The following ENTREP2 variants were observed in gnomAD, a reference collection of about 807,000 sequenced individuals.
ENTREP2 encodes the protein endosomal transmembrane epsin interactor 2, also known as protein ENTREP2.
chr15:29,479,763 A>G, the ENTREP2 span, among the ~76,000 whole-genome samples: 1 of 152,068 alleles, frequency 6.6e-6, no homozygotes, highest in African/African-American at 2.4e-5. Flanking sequence ...GGTCAAGTCA[A>G]TGAGAGATCT....
At chr15:29,283,169 CA>C in the ENTREP2 span, among the ~76,000 whole-genome samples, 1 of 152,160 alleles carries the variant, frequency 6.6e-6, no homozygotes, top group Non-Finnish European at 1.5e-5. Context: ...GGCTCTGGAG[CA>C]GATGAGAGGG....
chr15:29,484,347 G>A, the ENTREP2 span, among the ~76,000 whole-genome samples: 7 of 152,134 alleles, frequency 4.6e-5, no homozygotes, highest in African/African-American at 1.4e-4. Context: ...CTGCCCTAGC[G>A]GAAGGAATAA....
the ENTREP2 span, among the ~76,000 whole-genome samples, chr15:29,636,301 G>C: frequency 6.6e-6 from 1 of 152,214 alleles, no homozygotes; most frequent in African/African-American, 2.4e-5. Flanking sequence ...TGGAACGTTA[G>C]CAGTTGAGGT....
At chr15:29,319,450 T>C in the ENTREP2 span, among the ~76,000 whole-genome samples, 1 of 152,148 alleles carries the variant, frequency 6.6e-6, no homozygotes, top group East Asian at 1.9e-4. Flanking sequence ...CTGCCATCAG[T>C]CCAATGGCAG....
the ENTREP2 span, among the ~76,000 whole-genome samples, chr15:29,649,337 T>C: frequency 6.6e-6 from 1 of 151,964 alleles, no homozygotes; most frequent in South Asian, 2.1e-4. Flanking sequence ...TTCTTAGGAG[T>C]TATTTATGAT....
At chr15:29,480,197 C>T in the ENTREP2 span, among the ~76,000 whole-genome samples, 1 of 151,982 alleles carries the variant, frequency 6.6e-6, no homozygotes, top group Non-Finnish European at 1.5e-5. Flanking sequence ...TACTAGTATG[C>T]TTTTAATAAC....
At chr15:29,349,289 AAAAAC>A in the ENTREP2 span, among the ~76,000 whole-genome samples, 1 of 152,238 alleles carries the variant, frequency 6.6e-6, no homozygotes, top group South Asian at 2.1e-4. Flanking sequence ...ACACAACTGC[AAAAAC>A]AAAACAAAAG....
At chr15:29,438,065 G>T in the ENTREP2 span, among the ~76,000 whole-genome samples, 1 of 152,194 alleles carries the variant, frequency 6.6e-6, no homozygotes, top group African/African-American at 2.4e-5. Context: ...CTCCAGCCTT[G>T]AACACAAGAG....
At chr15:29,539,570 G>T in the ENTREP2 span, among the ~76,000 whole-genome samples, 1 of 151,956 alleles carries the variant, frequency 6.6e-6, no homozygotes, top group African/African-American at 2.4e-5. Flanking sequence ...CTTAAACTGG[G>T]CAAATTACCA....
At chr15:29,399,781 T>A in the ENTREP2 span, among the ~76,000 whole-genome samples, 1 of 152,210 alleles carries the variant, frequency 6.6e-6, no homozygotes, top group African/African-American at 2.4e-5. Context: ...GCTGTATTCT[T>A]ACAATAAAGA....
chr15:29,391,286 G>A, the ENTREP2 span, among the ~76,000 whole-genome samples: 1 of 151,716 alleles, frequency 6.6e-6, no homozygotes, highest in East Asian at 1.9e-4. Context: ...TTCATCCCAG[G>A]CTGTGGTCCA....
At chr15:29,594,485 G>A in the ENTREP2 span, among the ~76,000 whole-genome samples, 1 of 152,116 alleles carries the variant, frequency 6.6e-6, no homozygotes, top group Non-Finnish European at 1.5e-5. Flanking sequence ...CTCCAGAGGT[G>A]CAATAGATCT....
At chr15:29,521,364 G>T in the ENTREP2 span, among the ~76,000 whole-genome samples, 1 of 152,200 alleles carries the variant, frequency 6.6e-6, no homozygotes, top group Non-Finnish European at 1.5e-5. Flanking sequence ...GGAACAAAGA[G>T]AATTAACATA....
chr15:29,613,961 C>A, the ENTREP2 span: 1 of 155,356 alleles, frequency 6.4e-6, no homozygotes, highest in South Asian at 1.8e-4. Flanking sequence ...AATATCCATC[C>A]ATTCATGAAG....
At chr15:29,213,320 C>A in the ENTREP2 span, among the ~76,000 whole-genome samples, 1 of 152,066 alleles carries the variant, frequency 6.6e-6, no homozygotes, top group Non-Finnish European at 1.5e-5. Flanking sequence ...TTTTCCAATT[C>A]TGTGAAGAAA....
chr15:29,187,278 CT>C, the ENTREP2 span, among the ~76,000 whole-genome samples: 1 of 151,230 alleles, frequency 6.6e-6, no homozygotes, highest in African/African-American at 2.4e-5. Context: ...TTCTTTTCTT[CT>C]TTTTTTTTCT....
the ENTREP2 span, among the ~76,000 whole-genome samples, chr15:29,417,521 A>AT: frequency 4.6e-5 from 7 of 152,158 alleles, no homozygotes; most frequent in African/African-American, 1.7e-4. Context: ...GAGAGATAGC[A>AT]TTAGGAGATA....
At chr15:29,623,715 T>C in the ENTREP2 span, among the ~76,000 whole-genome samples, 3 of 152,008 alleles carry the variant, frequency 2.0e-5, no homozygotes, top group East Asian at 3.9e-4. Context: ...AATCAGATAA[T>C]AGGAGAAAAA....
the ENTREP2 span, among the ~76,000 whole-genome samples, chr15:29,272,892 A>AC: frequency 3.3e-4 from 50 of 152,336 alleles, no homozygotes; most frequent in Admixed American, 3.2e-3. Flanking sequence ...TAGACTGGCC[A>AC]GAACTACTCC....
Sources: gnomAD v4.1 joint callset for allele counts (sites outside exome capture counted in the v4.1 genomes callset) on GRCh38, gnomAD v4.1.1 for gene constraint, MANE v1.5 for transcripts, NCBI Gene and HGNC (gene_info 2026-07-23, HGNC 2026-07-21) for gene names.